Variants in CNTNAP2 observed in about 807,000 individuals in gnomAD.
CNTNAP2 encodes the protein contactin-associated protein-like 2.
In CNTNAP2, 98 loss-of-function variants were observed where a neutral mutation model predicts 155.2. The ratio of observed to expected loss-of-function variants is 0.63; its 90% confidence interval spans 0.54 to 0.75. The LOEUF (loss-of-function observed/expected upper bound fraction) is 0.75. Among genes scored for constraint, CNTNAP2 ranks in the 30% least tolerant of loss-of-function variants. CNTNAP2 has a pLI of 0.00. For missense variants in CNTNAP2, 1,727 were observed against 1,688.1 expected (o/e 1.02, Z -0.40); for synonymous variants, 651 against 631.2 (o/e 1.03, Z -0.47).
At chr7:146,279,557 C>A (rs1800217431) in intron 1 of CNTNAP2, among the ~76,000 whole-genome samples, 1 of 151,440 alleles carries the variant, frequency 6.6e-6, no homozygotes, top group African/African-American at 2.4e-5. Flanking sequence ...TTCTAATAAT[C>A]TTATTTAAAG....
At chr7:146,914,795 C>A (rs191004806) in intron 3 of CNTNAP2, among the ~76,000 whole-genome samples, 52 of 152,038 alleles carry the variant, frequency 3.4e-4, no homozygotes, top group African/African-American at 1.2e-3. Flanking sequence ...GAAAGAAGCT[C>A]TTTAGTTTAA....
intron 13 of CNTNAP2, among the ~76,000 whole-genome samples, chr7:147,893,046 G>A (rs1407759937): frequency 6.6e-6 from 1 of 152,100 alleles, no homozygotes; most frequent in African/African-American, 2.4e-5. Flanking sequence ...CTGCAGTAGG[G>A]ACTCCACAGG....
At chr7:146,323,711 G>A (rs1328248555) in intron 1 of CNTNAP2, among the ~76,000 whole-genome samples, 1 of 152,076 alleles carries the variant, frequency 6.6e-6, no homozygotes, top group Admixed American at 6.6e-5. Flanking sequence ...ATATTTCCAG[G>A]AAGGCATCAA....
chr7:148,063,681 T>C (rs1460929685), intron 15 of CNTNAP2, among the ~76,000 whole-genome samples: 1 of 151,980 alleles, frequency 6.6e-6, no homozygotes, highest in Admixed American at 6.6e-5. Context: ...CTTTGGGTTG[T>C]CTGTTTACTC....
chr7:148,292,722 G>A (rs1797209124), intron 21 of CNTNAP2, among the ~76,000 whole-genome samples: 1 of 152,134 alleles, frequency 6.6e-6, no homozygotes, highest in South Asian at 2.1e-4. Context: ...GTGAACCCAA[G>A]GATGCTGCAG....
intron 3 of CNTNAP2, among the ~76,000 whole-genome samples, chr7:146,928,143 C>A (rs1196370754): frequency 6.6e-6 from 1 of 151,922 alleles, no homozygotes; most frequent in East Asian, 1.9e-4. Context: ...GTCATAGATA[C>A]TTTGTAAAAC....
At chr7:146,662,130 T>C (rs1459821013) in intron 1 of CNTNAP2, among the ~76,000 whole-genome samples, 1 of 152,026 alleles carries the variant, frequency 6.6e-6, no homozygotes, top group Admixed American at 6.6e-5. Context: ...ACAGTTCAGT[T>C]CGTTTTCTCT....
intron 15 of CNTNAP2, among the ~76,000 whole-genome samples, chr7:148,031,964 G>A (rs1346467960): frequency 6.6e-6 from 1 of 152,072 alleles, no homozygotes; most frequent in African/African-American, 2.4e-5. Flanking sequence ...TCACTGCCAG[G>A]TCTCCAGGGT....
At chr7:147,969,872 A>C (rs13225815) in intron 14 of CNTNAP2, among the ~76,000 whole-genome samples, 19,593 of 151,854 alleles carry the variant, frequency 0.13, 1,990 homozygotes, top group African/African-American at 0.29. Context: ...TATTTTTTTA[A>C]GTTGTTTTAA....
chr7:148,137,924 A>G (rs531938302), intron 16 of CNTNAP2, among the ~76,000 whole-genome samples: 2 of 152,368 alleles, frequency 1.3e-5, no homozygotes, highest in South Asian at 4.1e-4. Flanking sequence ...CATGTAGTAT[A>G]TATGTCCTCA....
intron 9 of CNTNAP2, among the ~76,000 whole-genome samples, chr7:147,337,732 C>G (rs566223753): frequency 1.3e-5 from 2 of 152,114 alleles, no homozygotes; most frequent in South Asian, 4.2e-4. Context: ...CTATTTGAAC[C>G]CTCTGCCATT....
chr7:146,622,022 C>T (rs1193912709), intron 1 of CNTNAP2, among the ~76,000 whole-genome samples: 3 of 152,060 alleles, frequency 2.0e-5, no homozygotes, highest in Admixed American at 6.6e-5. Context: ...CCACTGGAAA[C>T]TCTTTCAGTT....
chr7:147,713,857 T>A (rs187057602), intron 13 of CNTNAP2, among the ~76,000 whole-genome samples: 2 of 152,306 alleles, frequency 1.3e-5, no homozygotes, highest in Admixed American at 1.3e-4. Flanking sequence ...TAATGACTAA[T>A]GATATTGAGC....
intron 3 of CNTNAP2, among the ~76,000 whole-genome samples, chr7:146,851,494 C>T (rs1225457641): frequency 6.6e-6 from 1 of 152,098 alleles, no homozygotes; most frequent in Non-Finnish European, 1.5e-5. Flanking sequence ...CAGAAATTTA[C>T]TCTCTCACAG....
intron 20 of CNTNAP2, among the ~76,000 whole-genome samples, chr7:148,234,225 C>T (rs1308876427): frequency 1.3e-5 from 2 of 152,130 alleles, no homozygotes; most frequent in African/African-American, 2.4e-5. Flanking sequence ...ACAGCATAGT[C>T]GAACCCAGGT....
chr7:147,183,511 T>C (rs1406474180), intron 8 of CNTNAP2, among the ~76,000 whole-genome samples: 1 of 152,176 alleles, frequency 6.6e-6, no homozygotes, highest in Non-Finnish European at 1.5e-5. Context: ...TTAGTTGCCT[T>C]TTCAGCATGC....
chr7:148,228,846 ATGTT>A (rs1378377660), intron 19 of CNTNAP2, among the ~76,000 whole-genome samples: 1 of 151,032 alleles, frequency 6.6e-6, no homozygotes, highest in Non-Finnish European at 1.5e-5. Flanking sequence ...AAAAAAAACT[ATGTT>A]TATTTTTAAT....
chr7:148,181,114 T>C (rs73744771), intron 18 of CNTNAP2, among the ~76,000 whole-genome samples: 1,818 of 152,300 alleles, frequency 0.012, 43 homozygotes, highest in African/African-American at 0.039. Flanking sequence ...GTTACACCAT[T>C]GGCTTCTTTT....
At chr7:146,640,334 G>A (rs1799683830) in intron 1 of CNTNAP2, among the ~76,000 whole-genome samples, 1 of 152,190 alleles carries the variant, frequency 6.6e-6, no homozygotes, top group Non-Finnish European at 1.5e-5. Flanking sequence ...ATCATTTAGA[G>A]AGTGAATGTC....
Sources: gnomAD v4.1 joint callset for allele counts (sites outside exome capture counted in the v4.1 genomes callset) on GRCh38, gnomAD v4.1.1 for gene constraint, MANE v1.5 for transcripts, NCBI Gene and HGNC (gene_info 2026-07-23, HGNC 2026-07-21) for gene names.